The following ZNF433 variants were observed in gnomAD, a reference collection of about 807,000 sequenced individuals.
The protein encoded by ZNF433 is zinc finger protein 433.
A neutral mutation model predicts 10.6 loss-of-function variants in ZNF433; 12 were observed. The observed-to-expected ratio is 1.13, with a 90% confidence interval of 0.72 to 1.83. ZNF433 has a LOEUF of 1.83. ZNF433 is among the 40% of genes most tolerant of loss of function. ZNF433 has a pLI of 0.00. For synonymous variants in ZNF433, 272 were observed against 271.3 expected (o/e 1.00, Z -0.02); for missense variants, 737 against 798.0 (o/e 0.92, Z 0.92).
chr19:12,032,039 A>T (rs1457525763), intron 1 of ZNF433, among the ~76,000 whole-genome samples: 3 of 151,010 alleles, frequency 2.0e-5, no homozygotes, highest in Non-Finnish European at 4.4e-5. Flanking sequence ...CCCAGGTTCA[A>T]CCAGTTCTCC....
At chr19:12,017,973 T>A in intron 2 of ZNF433, 37 bp from the exon 3 acceptor site, 1 of 1,456,974 alleles carries the variant, frequency 6.9e-7, no homozygotes, top group Non-Finnish European at 9.3e-7. Context: ...CTTGAATTAG[T>A]ATAAAATTAT....
At chr19:12,030,413 G>A (rs1224983661) in intron 1 of ZNF433, among the ~76,000 whole-genome samples, 3 of 151,968 alleles carry the variant, frequency 2.0e-5, no homozygotes, top group Non-Finnish European at 4.4e-5. Flanking sequence ...GTAGAGACAG[G>A]CTTTCACCAT....
intron 1 of ZNF433, chr19:12,025,947 C>T (rs1974711681): frequency 6.6e-6 from 1 of 152,310 alleles, no homozygotes; most frequent in African/African-American, 2.4e-5. Context: ...ACAGCAGTTG[C>T]AAAAGCAAAA....
At chr19:12,016,701 G>C in intron 3 of ZNF433, 35 bp from the exon 4 acceptor site, 1 of 1,580,608 alleles carries the variant, frequency 6.3e-7, no homozygotes, top group Non-Finnish European at 8.6e-7. Context: ...TAATGGGTTT[G>C]ATTATCAGTG....
chr19:12,016,035 C>T lies in ZNF433; in HGVS notation c.823G>A (p.Gly275Arg), dbSNP rs746293866. ...TGTTTACATTCATATGGCTTCTCCCCAGTGTGAGTTCTTTTATGAGCATGA... is the reference window on the plus strand; with the variant it reads ...TGTTTACATTCATATGGCTTCTCCCTAGTGTGAGTTCTTTTATGAGCATGA... ...CLHAHKRTHT[G>R]EKPYECKQCG... Residue 275 changes from glycine (G) to arginine (R), a missense_variant, in exon 4 of 4, where the codon GGG (glycine) becomes AGG (arginine). Transcript: ENST00000550507. 1.9e-6 allele frequency: 3 copies of T among 1,613,988 alleles called. No individual in the cohort carries two copies. The highest frequency in any genetic ancestry group is 2.2e-5 in the South Asian group (2 of 91,072).
chr19:12,015,088 C>T lies in ZNF433; in HGVS notation c.1770G>A (p.Lys590=). 6.2e-7 allele frequency: 1 copy of T among 1,613,866 alleles called. No individual in the cohort carries two copies. Among genetic ancestry groups the T allele is most frequent in the South Asian group, 1.1e-5 (1 of 91,058 alleles). The change falls in exon 4 of 4, where the codon AAG becomes AAA. Residue 590 remains lysine, a synonymous_variant. Coordinates refer to ENST00000550507, the MANE Select transcript of ZNF433 (RefSeq NM_001308348.2). Reference sequence around the variant, plus strand: ...CACATCCAAAAGACTTCCCACACTGCTTACATTCATAGGGTTTCTCTCCAG... The same window carrying T: ...CACATCCAAAAGACTTCCCACACTGTTTACATTCATAGGGTTTCTCTCCAG... ...THTGEKPYEC[K]QCGKSFGCAS...
chr19:12,027,067 T>G (rs1278346201), intron 1 of ZNF433: 1 of 447,490 alleles, frequency 2.2e-6, no homozygotes, highest in Non-Finnish European at 4.4e-6. Flanking sequence ...ACTTGGATAT[T>G]GCAAAATTAA....
rs1016173000 is a variant in ZNF433, at chr19:12,033,683, G to A, written c.3+1854C>T. Reference sequence around the variant, plus strand: ...TAAAAATACAAAAAATTAGCCAGGCGTGGTGACGGGCTCCTGTAGTCCCAG... The same window carrying A: ...TAAAAATACAAAAAATTAGCCAGGCATGGTGACGGGCTCCTGTAGTCCCAG... On this transcript the variant is annotated intron_variant, in intron 1 of 3. Coordinates refer to ENST00000550507, the MANE Select transcript of ZNF433 (RefSeq NM_001308348.2). Among the ~76,000 whole-genome samples the A allele has an allele frequency of 6.0e-5, 9 of 150,568 alleles. No individual in the cohort carries two copies. In the East Asian group the frequency reaches 1.4e-3, roughly 23 times the overall value.
At chr19:12,018,051 C>T (rs1231584504) in intron 2 of ZNF433, 115 bp from the exon 3 acceptor site, 12 of 1,332,378 alleles carry the variant, frequency 9.0e-6, no homozygotes, top group African/African-American at 3.0e-5. Flanking sequence ...TCAAATATTC[C>T]CTGTCCACAT....
chr19:12,033,812 A>T (rs1337428519), intron 1 of ZNF433, among the ~76,000 whole-genome samples: 2 of 151,894 alleles, frequency 1.3e-5, no homozygotes, highest in African/African-American at 4.8e-5. Flanking sequence ...ACAGAACAAG[A>T]CTCTGTCTCC....
intron 1 of ZNF433, chr19:12,025,924 A>G (rs980967911): frequency 1.3e-5 from 2 of 152,656 alleles, no homozygotes; most frequent in African/African-American, 4.8e-5. Context: ...GAAAGAATGA[A>G]TCTGTCCCTG....
chr19:12,034,671 A>G (rs1430305076), intron 1 of ZNF433: 1 of 378,748 alleles, frequency 2.6e-6, no homozygotes, highest in Admixed American at 3.1e-5. Context: ...TATGACAGAT[A>G]CCAGACCCTC....
chr19:12,029,227 A>G (rs1355022619), intron 1 of ZNF433, among the ~76,000 whole-genome samples: 3 of 152,172 alleles, frequency 2.0e-5, no homozygotes, highest in African/African-American at 7.2e-5. Context: ...AATGACTAAG[A>G]ATAGCCAGCA....
intron 1 of ZNF433, chr19:12,028,144 G>C (rs1974829610): frequency 6.6e-6 from 1 of 152,080 alleles, no homozygotes; most frequent in Admixed American, 6.6e-5. Flanking sequence ...CTGGGCTCAA[G>C]TGATCCTCCC....
At chr19:12,032,323 T>C (rs1484349413) in intron 1 of ZNF433, among the ~76,000 whole-genome samples, 3 of 152,158 alleles carry the variant, frequency 2.0e-5, no homozygotes, top group African/African-American at 4.8e-5. Context: ...CCAGTTAAAA[T>C]AGTAAACTTT....
At chr19:12,032,159 C>T (rs1975067198) in intron 1 of ZNF433, among the ~76,000 whole-genome samples, 1 of 151,752 alleles carries the variant, frequency 6.6e-6, no homozygotes, top group South Asian at 2.1e-4. Flanking sequence ...AGGATGGTCT[C>T]GATCTCCTGA....
intron 1 of ZNF433, among the ~76,000 whole-genome samples, chr19:12,033,414 G>C (rs556674568): frequency 6.6e-6 from 1 of 152,160 alleles, no homozygotes; most frequent in South Asian, 2.1e-4. Flanking sequence ...TTTCATTTAC[G>C]AGGCTGAGGC....
intron 1 of ZNF433, chr19:12,026,581 T>C: frequency 7.4e-6 from 3 of 406,676 alleles, no homozygotes; most frequent in South Asian, 1.8e-5. Flanking sequence ...ATGACACAGT[T>C]ACACATGCTT....
intron 1 of ZNF433, among the ~76,000 whole-genome samples, chr19:12,031,317 A>AAAAAAAC (rs774248755): frequency 3.4e-5 from 4 of 116,968 alleles, no homozygotes; most frequent in African/African-American, 1.1e-4. Flanking sequence ...AAAACAAAAC[A>AAAAAAAC]AAAAAAAAAA....
Sources: gnomAD v4.1 joint callset for allele counts (sites outside exome capture counted in the v4.1 genomes callset) on GRCh38, gnomAD v4.1.1 for gene constraint, MANE v1.5 for transcripts, NCBI Gene and HGNC (gene_info 2026-07-23, HGNC 2026-07-21) for gene names.